Variants in QTGAL observed in about 807,000 individuals in gnomAD.
The protein encoded by QTGAL is BGnT-like protein 1.
the QTGAL span, among the ~76,000 whole-genome samples, chr17:82,983,754 C>T: frequency 1.8e-3 from 276 of 152,260 alleles, no homozygotes; most frequent in African/African-American, 6.1e-3. Context: ...GGCCCCGGGG[C>T]GGAGGAGGGT....
chr17:82,967,790 C>G, the QTGAL span, among the ~76,000 whole-genome samples: 4 of 151,184 alleles, frequency 2.6e-5, no homozygotes, highest in African/African-American at 9.7e-5. Flanking sequence ...AATAAAGTAG[C>G]TGGGCATGGT....
At chr17:82,972,227 C>T in the QTGAL span, among the ~76,000 whole-genome samples, 1 of 89,726 alleles carries the variant, frequency 1.1e-5, no homozygotes, top group Non-Finnish European at 2.1e-5. Context: ...GTGCCGACCA[C>T]ACCACACTCA....
At chr17:83,037,550 T>C in the QTGAL span, among the ~76,000 whole-genome samples, 1 of 152,122 alleles carries the variant, frequency 6.6e-6, no homozygotes, top group Non-Finnish European at 1.5e-5. The surrounding 1 kb of genome is among the most constrained non-coding windows in gnomAD (Gnocchi z 5.2). Context: ...CTGGGATGGA[T>C]GGTGGGCCGT....
the QTGAL span, among the ~76,000 whole-genome samples, chr17:82,950,490 G>T: frequency 6.6e-6 from 1 of 152,192 alleles, no homozygotes; most frequent in Admixed American, 6.5e-5. Context: ...CCAGATTCGT[G>T]TAGAATTTGC....
chr17:83,046,856 T>C, the QTGAL span, among the ~76,000 whole-genome samples: 564 of 152,274 alleles, frequency 3.7e-3, 6 homozygotes, highest in Middle Eastern at 0.017. Flanking sequence ...ACACAAAACA[T>C]GGTACTTATG....
chr17:82,977,579 T>C, the QTGAL span, among the ~76,000 whole-genome samples: 3 of 152,180 alleles, frequency 2.0e-5, no homozygotes, highest in African/African-American at 7.2e-5. Context: ...ATCCTCAGGC[T>C]CTCCGGGGGG....
the QTGAL span, among the ~76,000 whole-genome samples, chr17:82,967,918 G>A: frequency 2.6e-3 from 388 of 152,140 alleles, no homozygotes; most frequent in African/African-American, 8.9e-3. Flanking sequence ...CAGCCTGGGC[G>A]ACAGAGGGAG....
At chr17:82,942,470 T>A in the QTGAL span, 2 of 1,613,954 alleles carry the variant, frequency 1.2e-6, no homozygotes, top group African/African-American at 2.7e-5. Context: ...CTGAAGCCAG[T>A]CCTGGAGCCC....
the QTGAL span, among the ~76,000 whole-genome samples, chr17:82,964,493 C>T: frequency 1.2e-4 from 19 of 152,254 alleles, no homozygotes; most frequent in South Asian, 1.2e-3. Flanking sequence ...TTAAAACGGA[C>T]GCCTACAGGT....
chr17:82,984,023 G>A, the QTGAL span, among the ~76,000 whole-genome samples: 1 of 136,156 alleles, frequency 7.3e-6, no homozygotes, highest in Non-Finnish European at 1.7e-5. Flanking sequence ...ACGTGGGGGA[G>A]GGGAGAGGCC....
At chr17:82,957,812 C>A in the QTGAL span, among the ~76,000 whole-genome samples, 1 of 152,182 alleles carries the variant, frequency 6.6e-6, no homozygotes, top group South Asian at 2.1e-4. Flanking sequence ...GACCCAAGTC[C>A]AGTTTCCCAG....
chr17:82,942,215 G>A, the QTGAL span: 2 of 593,932 alleles, frequency 3.4e-6, no homozygotes, highest in African/African-American at 1.9e-5. Context: ...TAAGAGCAGT[G>A]CAGTGAACCT....
chr17:82,967,861 G>A, the QTGAL span, among the ~76,000 whole-genome samples: 1 of 151,978 alleles, frequency 6.6e-6, no homozygotes, highest in Admixed American at 6.6e-5. Context: ...TTTGAGCTCC[G>A]GAAGTCAAGG....
chr17:83,048,171 C>T, the QTGAL span, among the ~76,000 whole-genome samples: 4 of 152,126 alleles, frequency 2.6e-5, no homozygotes, highest in Admixed American at 1.3e-4. Flanking sequence ...GGATTACAGG[C>T]GTGTGCCACT....
chr17:82,959,463 AGTGTGT>A, the QTGAL span, among the ~76,000 whole-genome samples: 94 of 151,238 alleles, frequency 6.2e-4, no homozygotes, highest in African/African-American at 2.2e-3. Context: ...GTGCACGTGC[AGTGTGT>A]GTGTGTGTGT....
chr17:83,040,012 G>A, the QTGAL span, among the ~76,000 whole-genome samples: 10 of 152,278 alleles, frequency 6.6e-5, no homozygotes, highest in Admixed American at 2.6e-4. Flanking sequence ...CTTGAAATAC[G>A]TCATAGCTGT....
chr17:83,037,153 A>C, the QTGAL span, among the ~76,000 whole-genome samples: 1 of 145,062 alleles, frequency 6.9e-6, no homozygotes, highest in African/African-American at 2.4e-5. The surrounding 1 kb of genome is among the most constrained non-coding windows in gnomAD (Gnocchi z 5.2). Context: ...AAGCTGCAGA[A>C]AGTTGTCTGT....
chr17:82,964,627 C>T, the QTGAL span, among the ~76,000 whole-genome samples: 1 of 142,570 alleles, frequency 7.0e-6, no homozygotes, highest in Non-Finnish European at 1.5e-5. Flanking sequence ...CAGGTGCACC[C>T]CCACGGGGAG....
At chr17:83,027,208 A>G in the QTGAL span, among the ~76,000 whole-genome samples, 1 of 151,632 alleles carries the variant, frequency 6.6e-6, no homozygotes, top group Non-Finnish European at 1.5e-5. Context: ...CAGGGCAGGG[A>G]GCCTGCAGAC....
Sources: allele counts gnomAD v4.1 joint callset (sites outside exome capture counted in the v4.1 genomes callset), GRCh38; gene constraint gnomAD v4.1.1; non-coding constraint Gnocchi (gnomAD v3.1); transcripts MANE v1.5; gene names NCBI Gene and HGNC (gene_info 2026-07-23, HGNC 2026-07-21).